The following SPECC1 variants were observed in gnomAD, a reference collection of about 807,000 sequenced individuals.
The protein encoded by SPECC1 is cytospin-B.
SPECC1 carries 62 observed loss-of-function variants against 104.1 expected under a neutral mutation model. The observed-to-expected ratio is 0.60, with a 90% CI of 0.49 to 0.74. The LOEUF is 0.74. SPECC1 is among the 30% of genes least tolerant of loss of function. The pLI is 0.00. For synonymous variants in SPECC1, 513 were observed against 501.6 expected (o/e 1.02, Z -0.30); for missense variants, 1,306 against 1,310.5 (o/e 1.00, Z 0.05).
At chr17:20,237,241 A>G in intron 7 of SPECC1, 1 of 1,230,442 alleles carries the variant, frequency 8.1e-7, no homozygotes, top group Non-Finnish European at 1.0e-6. Context: ...GTGGCAGAGC[A>G]GATGCAGAGC....
intron 13 of SPECC1, among the ~76,000 whole-genome samples, chr17:20,299,555 C>CCAA (rs1374470438): frequency 9.9e-5 from 4 of 40,370 alleles, no homozygotes; most frequent in African/African-American, 3.2e-4. Flanking sequence ...GACCCTGTCT[C>CCAA]AAAAAAAAAA....
At chr17:20,200,890 T>TA (rs752221811) in intron 3 of SPECC1, among the ~76,000 whole-genome samples, 36,218 of 125,080 alleles carry the variant, frequency 0.29, 5,039 homozygotes, top group African/African-American at 0.41. Context: ...ACAGACATAG[T>TA]AAAAAAAAAA....
intron 2 of SPECC1, among the ~76,000 whole-genome samples, chr17:20,098,058 T>A (rs954345065): frequency 6.6e-6 from 1 of 152,158 alleles, no homozygotes; most frequent in Admixed American, 6.5e-5. Flanking sequence ...ACACTCTAAG[T>A]GGATAACGTC....
chr17:20,162,704 C>T (rs572483981), intron 3 of SPECC1, among the ~76,000 whole-genome samples: 6 of 152,236 alleles, frequency 3.9e-5, no homozygotes, highest in East Asian at 1.9e-4. Flanking sequence ...GATCCTTTTT[C>T]TCTTTTTTGG....
chr17:20,088,319 ATTTGTG>A (rs1034780288), intron 1 of SPECC1, among the ~76,000 whole-genome samples: 4 of 152,138 alleles, frequency 2.6e-5, no homozygotes, highest in African/African-American at 9.7e-5. Context: ...ACAGTTCATG[ATTTGTG>A]TTTTGAAAAG....
At chr17:20,189,253 C>G (rs1344139663) in intron 3 of SPECC1, among the ~76,000 whole-genome samples, 1 of 152,148 alleles carries the variant, frequency 6.6e-6, no homozygotes, top group Non-Finnish European at 1.5e-5. Flanking sequence ...CACAGTGCTG[C>G]TGGGAGATTT....
intron 3 of SPECC1, among the ~76,000 whole-genome samples, chr17:20,117,716 A>AC (rs1215026523): frequency 2.1e-4 from 31 of 145,522 alleles, no homozygotes; most frequent in Non-Finnish European, 4.4e-4. Context: ...AAAAAAAAAA[A>AC]AAAAAGAAAA....
chr17:20,130,047 C>T (rs564271805), intron 3 of SPECC1, among the ~76,000 whole-genome samples: 81 of 152,200 alleles, frequency 5.3e-4, no homozygotes, highest in Non-Finnish European at 9.4e-4. Flanking sequence ...AGCCACTGCG[C>T]CCAGCTGCCT....
chr17:20,315,958 G>A lies in SPECC1; in HGVS notation c.*1893G>A, dbSNP rs78571026. 23 of 232,688 alleles carry A rather than the reference G, an allele frequency of 9.9e-5. No individual in the cohort carries two copies. The East Asian group carries it at 1.1e-3, about 11-fold the overall frequency. The allele number at this position is 232,688 out of a possible 1,614,324, so 14.4% of individuals were successfully genotyped here. On this transcript the variant is annotated 3_prime_UTR_variant, in exon 15 of 15. Transcript: ENST00000395527. ...CACATGTTTTGTAAGTTCTTTAGGC[G>A]ACTGAAGCACAGCTGCTTGGAGAAC...
chr17:20,282,384 CATTTT>C (rs2040802799), intron 12 of SPECC1, among the ~76,000 whole-genome samples: 1 of 152,188 alleles, frequency 6.6e-6, no homozygotes, highest in Admixed American at 6.5e-5. Flanking sequence ...CCGCTGTCTC[CATTTT>C]CGCAGTCTCA....
At chr17:20,030,126 T>G (rs2044751134) in intron 1 of SPECC1, among the ~76,000 whole-genome samples, 1 of 152,214 alleles carries the variant, frequency 6.6e-6, no homozygotes, top group Non-Finnish European at 1.5e-5. Flanking sequence ...GTTAAGCCAC[T>G]CAATTTGTGG....
intron 1 of SPECC1, among the ~76,000 whole-genome samples, chr17:20,075,593 G>C (rs2046728042): frequency 6.6e-6 from 1 of 152,080 alleles, no homozygotes; most frequent in Non-Finnish European, 1.5e-5. Context: ...CTTGAGACCA[G>C]GAGTTCGAGA....
At chr17:20,302,134 T>C (rs1180489549) in intron 13 of SPECC1, among the ~76,000 whole-genome samples, 1 of 152,266 alleles carries the variant, frequency 6.6e-6, no homozygotes. Context: ...CTGAAATGAA[T>C]GAAGTGTGAC....
chr17:20,283,218 A>T (rs2040833785), intron 12 of SPECC1, among the ~76,000 whole-genome samples: 1 of 152,190 alleles, frequency 6.6e-6, no homozygotes, highest in Admixed American at 6.5e-5. Flanking sequence ...TTAAAGCAAT[A>T]ATATGAACAG....
intron 3 of SPECC1, among the ~76,000 whole-genome samples, chr17:20,118,733 A>G (rs751672030): frequency 1.1e-4 from 16 of 152,228 alleles, no homozygotes; most frequent in Non-Finnish European, 1.9e-4. Flanking sequence ...TGCTGTTTGA[A>G]CATTTTAAAC....
intron 1 of SPECC1, among the ~76,000 whole-genome samples, chr17:20,018,751 A>G (rs559246217): frequency 1.3e-5 from 2 of 152,196 alleles, no homozygotes; most frequent in South Asian, 2.1e-4. Context: ...GCTTCCAAGC[A>G]TCCTCTCCCA....
chr17:20,315,369 A>AG lies in SPECC1; in HGVS notation c.*1305dup, dbSNP rs1045431376. The AG allele has an allele frequency of 1.2e-4, 27 of 232,960 alleles. No individual in the cohort carries two copies. Among genetic ancestry groups the AG allele is most frequent in the African/African-American group, 5.7e-4 (26 of 45,442 alleles). The allele number at this position is 232,960 out of a possible 1,614,324, so 14.4% of individuals were successfully genotyped here. Reference sequence around the variant, plus strand: ...GCAGAGCCCTCCCCAGCGGTGCCCCAGTCCCTCAGAAGTGCTCAGTCCGGC... The same window carrying AG: ...GCAGAGCCCTCCCCAGCGGTGCCCCAGGTCCCTCAGAAGTGCTCAGTCCGGC... On this transcript the variant is annotated 3_prime_UTR_variant, in exon 15 of 15. Coordinates refer to ENST00000395527, the MANE Select transcript of SPECC1 (RefSeq NM_001243439.2).
At chr17:20,082,919 G>A (rs1173166386) in intron 1 of SPECC1, among the ~76,000 whole-genome samples, 1 of 152,116 alleles carries the variant, frequency 6.6e-6, no homozygotes, top group Non-Finnish European at 1.5e-5. Context: ...TAGCCTGTTA[G>A]TGGGCTTCTT....
At chr17:20,029,052 AC>A (rs1311266680) in intron 1 of SPECC1, among the ~76,000 whole-genome samples, 2 of 152,096 alleles carry the variant, frequency 1.3e-5, no homozygotes, top group East Asian at 3.9e-4. Flanking sequence ...ATGAACCGCC[AC>A]CCCCAGCCTC....
Sources: gnomAD v4.1 joint callset for allele counts (sites outside exome capture counted in the v4.1 genomes callset) on GRCh38, gnomAD v4.1.1 for gene constraint, MANE v1.5 for transcripts, NCBI Gene and HGNC (gene_info 2026-07-23, HGNC 2026-07-21) for gene names.